The following MS4A5 variants were observed in gnomAD, a reference collection of about 807,000 sequenced individuals.
The protein encoded by MS4A5 is membrane spanning 4-domains A5.
A neutral mutation model predicts 18.2 loss-of-function variants in MS4A5; 15 were observed. The observed-to-expected ratio is 0.83, with a 90% CI of 0.55 to 1.27. The LOEUF (loss-of-function observed/expected upper bound fraction) is 1.27, where lower values mean the gene tolerates loss of function less well. Ranked by LOEUF, MS4A5 falls within the 50% of genes most tolerant of loss-of-function variation. MS4A5 has a pLI of 0.00. For missense variants in MS4A5, 232 were observed against 225.7 expected, an observed-to-expected ratio of 1.03 and a Z score of -0.18; for synonymous variants, 89 against 78.7, an observed-to-expected ratio of 1.13 and a Z score of -0.69.
chr11:60,435,770 C>T (rs1339348354), intron 4 of MS4A5, among the ~76,000 whole-genome samples: 4 of 152,042 alleles, frequency 2.6e-5, no homozygotes, highest in Admixed American at 6.6e-5. Context: ...GCACCTGGCT[C>T]GGAGGGTCCT....
At chr11:60,436,431 C>T (rs1460345322) in intron 4 of MS4A5, among the ~76,000 whole-genome samples, 1 of 139,530 alleles carries the variant, frequency 7.2e-6, no homozygotes, top group Non-Finnish European at 1.6e-5. Flanking sequence ...TGGAGAATGA[C>T]TTTGACGAGT....
intron 4 of MS4A5, among the ~76,000 whole-genome samples, chr11:60,439,928 T>G (rs1471537250): frequency 8.2e-6 from 1 of 121,926 alleles, no homozygotes; most frequent in African/African-American, 2.9e-5. Context: ...AAAACTATTT[T>G]AAAGTTCATA....
intron 4 of MS4A5, among the ~76,000 whole-genome samples, chr11:60,442,070 A>C (rs2086116039): frequency 6.6e-6 from 1 of 152,236 alleles, no homozygotes; most frequent in Non-Finnish European, 1.5e-5. Flanking sequence ...GAATATGTAG[A>C]CAGACCATAA....
At chr11:60,436,833 G>A (rs1330384020) in intron 4 of MS4A5, among the ~76,000 whole-genome samples, 2 of 135,922 alleles carry the variant, frequency 1.5e-5, no homozygotes, top group African/African-American at 5.1e-5. Context: ...ATGGAACCAA[G>A]TTGGAAAACA....
chr11:60,446,790 C>T (rs2086140677), intron 4 of MS4A5, among the ~76,000 whole-genome samples: 1 of 151,372 alleles, frequency 6.6e-6, no homozygotes, highest in Non-Finnish European at 1.5e-5. Flanking sequence ...CTAGCGTATG[C>T]TTCTTATGTC....
chr11:60,445,372 G>A (rs529534493), intron 4 of MS4A5, among the ~76,000 whole-genome samples: 38 of 151,988 alleles, frequency 2.5e-4, no homozygotes, highest in Non-Finnish European at 5.3e-4. Flanking sequence ...TGATTCTCCT[G>A]TCTCAGCCTC....
intron 4 of MS4A5, among the ~76,000 whole-genome samples, chr11:60,442,379 C>G (rs1044945555): frequency 6.6e-6 from 1 of 152,150 alleles, no homozygotes. Context: ...TCTCAGCAAA[C>G]TAAGACAGGA....
At chr11:60,446,762 C>G (rs1427841377) in intron 4 of MS4A5, among the ~76,000 whole-genome samples, 1 of 151,190 alleles carries the variant, frequency 6.6e-6, no homozygotes, top group Non-Finnish European at 1.5e-5. Flanking sequence ...AAAAAGAAAC[C>G]AAAAAAACGG....
chr11:60,431,022 C>A, intron 2 of MS4A5, 98 bp downstream of exon 2: 2 of 1,409,752 alleles, frequency 1.4e-6, no homozygotes, highest in Non-Finnish European at 1.9e-6. Flanking sequence ...GTATGACATG[C>A]TTTCAAAAGT....
At chr11:60,441,777 A>G (rs34339800) in intron 4 of MS4A5, among the ~76,000 whole-genome samples, 24 of 152,142 alleles carry the variant, frequency 1.6e-4, no homozygotes, top group Non-Finnish European at 2.6e-4. Flanking sequence ...AGATGGTCCC[A>G]GTAAATAAGA....
At chr11:60,441,887 T>C (rs1440224134) in intron 4 of MS4A5, among the ~76,000 whole-genome samples, 1 of 152,154 alleles carries the variant, frequency 6.6e-6, no homozygotes, top group Non-Finnish European at 1.5e-5. Context: ...AAACGTATAA[T>C]AGGGGACTTT....
intron 4 of MS4A5, among the ~76,000 whole-genome samples, chr11:60,436,158 G>T (rs1249175443): frequency 2.0e-5 from 3 of 151,940 alleles, no homozygotes; most frequent in African/African-American, 7.2e-5. Flanking sequence ...CCCCCCAGCA[G>T]GGGCACACTG....
intron 4 of MS4A5, among the ~76,000 whole-genome samples, chr11:60,446,057 T>C (rs1040569973): frequency 6.6e-6 from 1 of 152,138 alleles, no homozygotes; most frequent in Non-Finnish European, 1.5e-5. Flanking sequence ...AACAATGCTA[T>C]TGCAGCATTG....
At position 60,430,750 on chromosome 11, in the gene MS4A5, CT is replaced by C. The variant is rs759896778; in HGVS notation, c.154-45del. On this transcript the variant is annotated intron_variant, in intron 1 of 4. Transcript: ENST00000300190. ...GAAGATATTCTAAACAGAAGGGAAA[CT>C]ATCACTTTGCTTTTCCTCACCATGA... is the stretch of plus-strand genomic sequence containing the variant. 3.1e-6 allele frequency: 5 copies of C among 1,599,632 alleles called. No homozygotes were observed. The African/African-American group carries it at 6.8e-5, about 22-fold the overall frequency.
chr11:60,434,245 A>C (rs2086066753), intron 4 of MS4A5, among the ~76,000 whole-genome samples: 1 of 152,204 alleles, frequency 6.6e-6, no homozygotes, highest in African/African-American at 2.4e-5. Flanking sequence ...TTAGAATCAC[A>C]GTGGTGTGTT....
In MS4A5 at chr11:60,433,468, C is replaced by A. The variant is rs145298446; in HGVS notation, c.340-297C>A. 1.1e-4 allele frequency among the ~76,000 whole-genome samples: 17 copies of A among 152,282 alleles called. No individual in the cohort carries two copies. The East Asian group carries it at 3.3e-3, about 29-fold the overall frequency. On this transcript the variant is annotated intron_variant, in intron 3 of 4. Coordinates refer to ENST00000300190, the MANE Select transcript of MS4A5 (RefSeq NM_023945.3). ...AAATGTAAACAGACCATGACTTTCA[C>A]CAGAAAATCAAAATGCAATTGTTAC...
chr11:60,442,490 G>A (rs186962013), intron 4 of MS4A5, among the ~76,000 whole-genome samples: 1 of 152,222 alleles, frequency 6.6e-6, no homozygotes. Context: ...AGGCCTGTTG[G>A]GGGGTAGTGG....
In MS4A5 at chr11:60,432,468, G is replaced by A; in HGVS notation, c.339+1G>A. On this transcript the variant is annotated splice_donor_variant, in intron 3 of 4. Transcript: ENST00000300190. LOFTEE classifies it high-confidence loss of function. ...GAAAAGAAAAACCACAGAAACTCTG[G>A]TGAGTTATATTCTTACTTTATTAAA... 1.3e-6 allele frequency: 2 copies of A among 1,567,486 alleles called. No individual in the cohort carries two copies. Among genetic ancestry groups the A allele is most frequent in the East Asian group, 2.2e-5 (1 of 44,518 alleles).
At chr11:60,437,588 C>A (rs555294707) in intron 4 of MS4A5, among the ~76,000 whole-genome samples, 37 of 151,752 alleles carry the variant, frequency 2.4e-4, no homozygotes, top group African/African-American at 8.7e-4. Flanking sequence ...TTCTACCAAG[C>A]AAATGGAAAA....
Sources: allele counts gnomAD v4.1 joint callset (sites outside exome capture counted in the v4.1 genomes callset), GRCh38; gene constraint gnomAD v4.1.1; transcripts MANE v1.5; gene names NCBI Gene and HGNC (gene_info 2026-07-23, HGNC 2026-07-21).